XIRP2: variants seen among roughly 807,000 people sequenced by gnomAD.
XIRP2 encodes the protein xin actin binding repeat containing 2, also known as xin actin-binding repeat-containing protein 2.
Under a neutral mutation model 277.0 loss-of-function variants are expected in XIRP2, and 236 were observed. That is an observed-to-expected ratio of 0.85 (90% CI 0.77 to 0.95). The LOEUF is 0.95. Among genes scored for constraint, XIRP2 ranks in the 40% least tolerant of loss-of-function variants. The probability of loss-of-function intolerance (pLI) is 0.00; values close to 1 mark genes in which losing one functional copy is unlikely to be tolerated. For missense variants in XIRP2, 4,640 were observed against 4,157.5 expected (o/e 1.12, Z -3.19); for synonymous variants, 1,490 against 1,416.5 (o/e 1.05, Z -1.17).
intron 2 of XIRP2, among the ~76,000 whole-genome samples, chr2:166,919,972 A>G (rs1684994413): frequency 1.3e-5 from 2 of 152,142 alleles, no homozygotes; most frequent in African/African-American, 4.8e-5. Context: ...TTTCACCAAC[A>G]TATGTTTCAG....
chr2:166,942,916 C>T (rs1057430110), intron 2 of XIRP2, among the ~76,000 whole-genome samples: 15 of 151,998 alleles, frequency 9.9e-5, no homozygotes, highest in African/African-American at 3.6e-4. Flanking sequence ...ATTTCTCAAA[C>T]AGCATCTCTT....
At position 167,164,042 on chromosome 2, in the gene XIRP2, A is replaced by G. The variant is rs137965274; in HGVS notation, c.562+27980A>G. Among the ~76,000 whole-genome samples the G allele has an allele frequency of 2.2e-4, 34 of 152,368 alleles. 1 individual carries two copies. The East Asian group carries it at 6.4e-3, about 29-fold the overall frequency. ...TGGTTACTATAGCTTTATAGTAAAC[A>G]TTAAAGCCATTTAGGGTATGTCTTC... On this transcript the variant is annotated intron_variant, in intron 3 of 10. Transcript: ENST00000409195.
At chr2:167,046,442 A>G (rs1030218591) in intron 2 of XIRP2, among the ~76,000 whole-genome samples, 5 of 149,322 alleles carry the variant, frequency 3.3e-5, no homozygotes, top group Admixed American at 2.0e-4. Flanking sequence ...CTAAAGGAAT[A>G]TACATTATTC....
At chr2:167,061,910 T>C (rs1689182742) in intron 2 of XIRP2, among the ~76,000 whole-genome samples, 1 of 152,210 alleles carries the variant, frequency 6.6e-6, no homozygotes, top group South Asian at 2.1e-4. Context: ...TTTCTGTTGT[T>C]TTTAGACTTC....
At chr2:166,967,188 A>G (rs1474790674) in intron 2 of XIRP2, among the ~76,000 whole-genome samples, 1 of 151,884 alleles carries the variant, frequency 6.6e-6, no homozygotes, top group Non-Finnish European at 1.5e-5. Context: ...AAACACTACA[A>G]ATAAATAAAA....
rs373019758 is a variant in XIRP2 at position 166,940,636 on chromosome 2, C to T, written c.408+36746C>T. ...CAGATGGGGTTTTGGTGTGGATATCCTTTCTGTTTGTTAGTTTTCCTTCTA... is the reference window on the plus strand; with the variant it reads ...CAGATGGGGTTTTGGTGTGGATATCTTTTCTGTTTGTTAGTTTTCCTTCTA... On this transcript the variant is annotated intron_variant, in intron 2 of 10. Transcript: ENST00000409195. Among the ~76,000 whole-genome samples the T allele has an allele frequency of 4.7e-4, 71 of 152,232 alleles. 1 individual carries two copies. The East Asian group carries it at 0.011, about 24-fold the overall frequency.
intron 2 of XIRP2, among the ~76,000 whole-genome samples, chr2:166,947,505 T>A (rs1157345721): frequency 6.6e-6 from 1 of 152,180 alleles, no homozygotes; most frequent in African/African-American, 2.4e-5. Flanking sequence ...AAAAGACATT[T>A]TTCTTTTAAT....
intron 2 of XIRP2, among the ~76,000 whole-genome samples, chr2:166,999,623 A>G (rs527459847): frequency 2.0e-5 from 3 of 152,256 alleles, no homozygotes; most frequent in African/African-American, 7.2e-5. Context: ...TTCTGTCTCT[A>G]TTTTACACCA....
chr2:166,917,013 C>T lies in XIRP2; in HGVS notation c.408+13123C>T, dbSNP rs376528357. On this transcript the variant is annotated intron_variant, in intron 2 of 10. Coordinates refer to ENST00000409195, the MANE Select transcript of XIRP2 (RefSeq NM_152381.6). ...ACTACATGAATATTCCTTCTATTTT[C>T]GTTCCTCTGTTATCTCTGTAACCCA... Among the ~76,000 whole-genome samples the T allele has an allele frequency of 2.5e-4, 38 of 152,204 alleles. 2 individuals are homozygous for T. In the South Asian group the frequency reaches 6.2e-3, roughly 25 times the overall value.
intron 2 of XIRP2, among the ~76,000 whole-genome samples, chr2:166,955,370 T>C (rs1686135501): frequency 6.6e-6 from 1 of 151,894 alleles, no homozygotes; most frequent in East Asian, 2.0e-4. Context: ...GGCAGATCTA[T>C]AGAGACAGAA....
chr2:166,912,095 C>G (rs954821584), intron 2 of XIRP2, among the ~76,000 whole-genome samples: 2 of 152,130 alleles, frequency 1.3e-5, no homozygotes, highest in African/African-American at 4.8e-5. Flanking sequence ...CTTGGAGTTG[C>G]TCTTCTCGAG....
chr2:167,203,385 A>G (rs1385672392), intron 3 of XIRP2, among the ~76,000 whole-genome samples: 5 of 152,216 alleles, frequency 3.3e-5, no homozygotes, highest in Non-Finnish European at 7.3e-5. Context: ...TTGTTAATGT[A>G]TAAAGCCCAA....
intron 2 of XIRP2, among the ~76,000 whole-genome samples, chr2:167,023,893 G>A (rs1688062688): frequency 6.6e-6 from 1 of 152,162 alleles, no homozygotes; most frequent in Admixed American, 6.5e-5. Context: ...GTAGCGTGAT[G>A]CCTCTGGCTG....
In XIRP2 at chr2:167,198,824, G is replaced by A. The variant is rs992339767; in HGVS notation, c.563-11911G>A. On this transcript the variant is annotated intron_variant, in intron 3 of 10. Coordinates refer to ENST00000409195, the MANE Select transcript of XIRP2 (RefSeq NM_152381.6). ...TAATGTTCGGTAAAGAAAGTGTGTT[G>A]AATTAGTGTGGCTTCCTTTCTTTGA... is the stretch of plus-strand genomic sequence containing the variant. Among the ~76,000 whole-genome samples the A allele has an allele frequency of 1.2e-4, 19 of 152,276 alleles. No homozygotes were observed. In the Middle Eastern group the frequency reaches 0.01, roughly 82 times the overall value.
chr2:167,242,315 G>A (rs891698682), intron 8 of XIRP2, among the ~76,000 whole-genome samples: 2 of 152,100 alleles, frequency 1.3e-5, no homozygotes, highest in African/African-American at 2.4e-5. Flanking sequence ...ACGATTATGT[G>A]TAAATTTTAA....
chr2:167,130,485 T>TG (rs1691341804), intron 2 of XIRP2, among the ~76,000 whole-genome samples: 1 of 152,090 alleles, frequency 6.6e-6, no homozygotes, highest in Admixed American at 6.6e-5. Context: ...TGGTCACCGC[T>TG]GGATCCTAAC....
intron 3 of XIRP2, among the ~76,000 whole-genome samples, chr2:167,136,709 T>C (rs1691562441): frequency 1.3e-5 from 2 of 152,252 alleles, no homozygotes; most frequent in Admixed American, 1.3e-4. Context: ...ATTTATCATT[T>C]CTGATTAGGC....
chr2:166,934,818 C>T (rs186968943), intron 2 of XIRP2, among the ~76,000 whole-genome samples: 141 of 151,744 alleles, frequency 9.3e-4, no homozygotes, highest in African/African-American at 3.1e-3. Flanking sequence ...ACCAGCCTGG[C>T]CAGCACGGAG....
At chr2:166,916,263 C>T (rs1264336504) in intron 2 of XIRP2, among the ~76,000 whole-genome samples, 1 of 152,088 alleles carries the variant, frequency 6.6e-6, no homozygotes, top group Non-Finnish European at 1.5e-5. Context: ...ATCTTTGCTC[C>T]TTAAACCCAG....
Sources: gnomAD v4.1 joint callset for allele counts (sites outside exome capture counted in the v4.1 genomes callset) on GRCh38, gnomAD v4.1.1 for gene constraint, MANE v1.5 for transcripts, NCBI Gene and HGNC (gene_info 2026-07-23, HGNC 2026-07-21) for gene names.